The following MAP1LC3B variants were observed in gnomAD, a reference collection of about 807,000 sequenced individuals.
The protein encoded by MAP1LC3B is microtubule-associated protein 1 light chain 3 beta.
A neutral mutation model predicts 16.7 loss-of-function variants in MAP1LC3B; 12 were observed. That is an observed-to-expected ratio of 0.72 (90% CI 0.46 to 1.16). The LOEUF (loss-of-function observed/expected upper bound fraction) is 1.16. Ranked by LOEUF, MAP1LC3B falls within the 50% of genes most tolerant of loss-of-function variation. The pLI is 0.00. For missense variants in MAP1LC3B, 155 were observed against 159.5 expected, an observed-to-expected ratio of 0.97 and a Z score of 0.15; for synonymous variants, 63 against 56.5, an observed-to-expected ratio of 1.11 and a Z score of -0.51.
rs1471344237 is a variant in MAP1LC3B, at chr16:87,404,635, TAAG to T, written c.*1541_*1543del. 1 of 152,222 alleles carries T rather than the reference TAAG, an allele frequency of 6.6e-6. No homozygotes were observed. The highest frequency in any genetic ancestry group is 1.5e-5 in the Non-Finnish European group (1 of 68,040). The allele number at this position is 152,222 out of a possible 1,614,324, so 9.4% of individuals were successfully genotyped here. ...TACCGTGTGATCAGTAAGATTCCTG[TAAG>T]AAATACTGCTTTTTAAGAAAAAAAA... On this transcript the variant is annotated 3_prime_UTR_variant, in exon 4 of 4. Transcript: ENST00000268607.
intron 1 of MAP1LC3B, chr16:87,393,461 G>C (rs1907682166): frequency 6.6e-6 from 1 of 152,192 alleles, no homozygotes; most frequent in Non-Finnish European, 1.5e-5. Context: ...TAGTTTCCCG[G>C]AGTCTAGAAA....
Position 87,392,346 on chromosome 16 carries a change from T to TCGCCGCCGCAGCAGCCGC in MAP1LC3B, c.-77_-60dup. On this transcript the variant is annotated 5_prime_UTR_variant, in exon 1 of 4. Transcript: ENST00000268607. ...GAAGTGGCTATCGCCAGAGTCGGAT[T>TCGCCGCCGCAGCAGCCGC]CGCCGCCGCAGCAGCCGCCGCCCCC... The TCGCCGCCGCAGCAGCCGC allele has an allele frequency of 7.6e-7, 1 of 1,321,186 alleles. No individual in the cohort carries two copies. The highest frequency in any genetic ancestry group is 1.6e-5 in the African/African-American group (1 of 64,060). The allele number at this position is 1,321,186 out of a possible 1,614,324, so 81.8% of individuals were successfully genotyped here.
intron 3 of MAP1LC3B, chr16:87,402,688 A>G (rs187892522): frequency 3.4e-6 from 2 of 592,292 alleles, no homozygotes; most frequent in East Asian, 5.9e-5. Flanking sequence ...AGACAGTTTA[A>G]CAGCTGTTCA....
chr16:87,401,463 T>G (rs1487895136), intron 2 of MAP1LC3B, among the ~76,000 whole-genome samples: 1 of 152,252 alleles, frequency 6.6e-6, no homozygotes, highest in Non-Finnish European at 1.5e-5. Flanking sequence ...GAATGTGCTG[T>G]TTCAAAGCCC....
intron 2 of MAP1LC3B, among the ~76,000 whole-genome samples, chr16:87,401,088 G>A (rs372077109): frequency 1.3e-4 from 19 of 141,756 alleles, no homozygotes; most frequent in African/African-American, 4.9e-4. Flanking sequence ...AGCCAAGATC[G>A]TGCCACTGCA....
intron 1 of MAP1LC3B, among the ~76,000 whole-genome samples, chr16:87,393,732 G>C (rs965397794): frequency 6.6e-6 from 1 of 151,290 alleles, no homozygotes; most frequent in East Asian, 1.9e-4. Flanking sequence ...CAGCATTAAA[G>C]ACAGATTTTC....
chr16:87,394,122 G>A (rs537786961), intron 1 of MAP1LC3B, among the ~76,000 whole-genome samples: 43 of 152,168 alleles, frequency 2.8e-4, no homozygotes, highest in African/African-American at 1.0e-3. Flanking sequence ...TCCCATTGAT[G>A]TATGGACCTT....
chr16:87,400,939 C>T (rs893364054), intron 2 of MAP1LC3B, among the ~76,000 whole-genome samples: 1 of 151,942 alleles, frequency 6.6e-6, no homozygotes, highest in African/African-American at 2.4e-5. Context: ...TCGAGACCAG[C>T]CTGACCAACA....
rs1206558765 is a variant in MAP1LC3B, at chr16:87,392,373, G to A, written c.-55G>A. On this transcript the variant is annotated 5_prime_UTR_variant, in exon 1 of 4. Coordinates refer to ENST00000268607, the MANE Select transcript of MAP1LC3B (RefSeq NM_022818.5). ...GCCGCCGCAGCAGCCGCCGCCCCCGGGAGCCGCCGGGACCCTCGCGTCGTC... is the reference window on the plus strand; with the variant it reads ...GCCGCCGCAGCAGCCGCCGCCCCCGAGAGCCGCCGGGACCCTCGCGTCGTC... 9.4e-6 allele frequency: 13 copies of A among 1,383,690 alleles called. No individual in the cohort carries two copies. In the Admixed American group the frequency reaches 1.1e-4, roughly 12 times the overall value. 85.7% of individuals were successfully genotyped at this position (1,383,690 alleles called of 1,614,324 possible).
intron 3 of MAP1LC3B, chr16:87,402,574 C>T (rs377334255): frequency 1.9e-6 from 1 of 537,268 alleles, no homozygotes. Flanking sequence ...TATTGTACAG[C>T]AAAGCTAGTT....
In MAP1LC3B at chr16:87,404,208, G is replaced by C. The variant is rs1361343884; in HGVS notation, c.*1111G>C. ...CTCTTTACAGATACTAATGTCAAGA[G>C]TTAAACCTCCTCAGGTTCAACCTGT... On this transcript the variant is annotated 3_prime_UTR_variant, in exon 4 of 4. Transcript: ENST00000268607. 6.6e-6 allele frequency: 1 copy of C among 152,198 alleles called. No homozygotes were observed. The highest frequency in any genetic ancestry group is 2.4e-5 in the African/African-American group (1 of 41,438). 9.4% of individuals were successfully genotyped at this position (152,198 alleles called of 1,614,324 possible).
intron 2 of MAP1LC3B, among the ~76,000 whole-genome samples, chr16:87,400,657 A>C (rs1907959635): frequency 6.6e-6 from 1 of 151,282 alleles, no homozygotes; most frequent in African/African-American, 2.4e-5. Flanking sequence ...CATTGAGCAT[A>C]TTACTATAAT....
intron 3 of MAP1LC3B, 75 bp downstream of exon 3, chr16:87,402,356 T>C: frequency 7.4e-7 from 1 of 1,354,690 alleles, no homozygotes; most frequent in South Asian, 1.3e-5. Flanking sequence ...TACAGTTAAA[T>C]CTTTAGTTCT....
At chr16:87,398,929 A>G in intron 2 of MAP1LC3B, 59 bp downstream of exon 2, 1 of 1,443,866 alleles carries the variant, frequency 6.9e-7, no homozygotes, top group Non-Finnish European at 9.7e-7. Context: ...AGCACCGCAT[A>G]AGTGCATCCA....
intron 3 of MAP1LC3B, chr16:87,402,638 G>C (rs1207296631): frequency 3.7e-6 from 2 of 541,684 alleles, no homozygotes; most frequent in Non-Finnish European, 6.5e-6. Context: ...TTAGATCTTA[G>C]AATAGTTCAG....
rs1907898020 is a variant in MAP1LC3B at position 87,399,031 on chromosome 16, G to A, written c.96+161G>A. ...GAGGTATCCTTTTTTTAAGAGACAG[G>A]GTCTCACTCTCTTTCCCAGGCTGGA... On this transcript the variant is annotated intron_variant, in intron 2 of 3. Transcript: ENST00000268607. The A allele has an allele frequency of 1.4e-5, 9 of 625,000 alleles. 1 individual carries two copies. Among genetic ancestry groups the A allele is most frequent in the Non-Finnish European group, 2.3e-5 (8 of 349,230 alleles). 38.7% of individuals were successfully genotyped at this position (625,000 alleles called of 1,614,324 possible).
chr16:87,396,728 G>C (rs540360696), intron 1 of MAP1LC3B: 2 of 152,162 alleles, frequency 1.3e-5, no homozygotes, highest in South Asian at 4.1e-4. Context: ...ATGATGAGGG[G>C]TCACTGAGAA....
intron 2 of MAP1LC3B, among the ~76,000 whole-genome samples, chr16:87,400,468 C>G (rs996975140): frequency 1.3e-5 from 2 of 152,058 alleles, no homozygotes; most frequent in Non-Finnish European, 2.9e-5. Context: ...CGTGAGCCAC[C>G]GCACCTGGCC....
At chr16:87,402,098 A>C in intron 2 of MAP1LC3B, 77 bp from the exon 3 acceptor site, 1 of 1,464,514 alleles carries the variant, frequency 6.8e-7, no homozygotes, top group Non-Finnish European at 9.5e-7. Context: ...GCCTCCCAAA[A>C]TGCTGGGGTT....
Sources: gnomAD v4.1 joint callset for allele counts (sites outside exome capture counted in the v4.1 genomes callset) on GRCh38, gnomAD v4.1.1 for gene constraint, MANE v1.5 for transcripts, NCBI Gene and HGNC (gene_info 2026-07-23, HGNC 2026-07-21) for gene names.